The following TENM3 variants were observed in gnomAD, a reference collection of about 807,000 sequenced individuals.
TENM3 encodes teneurin transmembrane protein 3, also known as teneurin-3.
Under a neutral mutation model 255.1 loss-of-function variants are expected in TENM3, and 63 were observed. That is an observed-to-expected ratio of 0.25 (90% confidence interval 0.20 to 0.30). TENM3 has a LOEUF of 0.30. Ranked by LOEUF, TENM3 falls within the 10% of genes least tolerant of loss-of-function variation. TENM3 has a pLI of 1.00. For synonymous variants in TENM3, 1,306 were observed against 1,322.3 expected (o/e 0.99, Z 0.27); for missense variants, 2,929 against 3,461.1 (o/e 0.85, Z 3.86).
At chr4:181,549,281 C>A in the TENM3 span, among the ~76,000 whole-genome samples, 3 of 152,202 alleles carry the variant, frequency 2.0e-5, no homozygotes, top group Non-Finnish European at 2.9e-5. Context: ...ATGAAAGAGA[C>A]AAGGGACTGC....
the TENM3 span, among the ~76,000 whole-genome samples, chr4:182,023,203 C>CT: frequency 1.3e-5 from 2 of 152,272 alleles, no homozygotes; most frequent in African/African-American, 2.4e-5. Context: ...TTTAAACTTT[C>CT]TTTTTTCCAA....
At chr4:182,289,977 C>T (rs1465470525) in intron 1 of TENM3, among the ~76,000 whole-genome samples, 1 of 152,096 alleles carries the variant, frequency 6.6e-6, no homozygotes, top group Non-Finnish European at 1.5e-5. Flanking sequence ...CTGTCTGGGA[C>T]CCCTCCAGCC....
intron 3 of TENM3, among the ~76,000 whole-genome samples, chr4:182,553,044 C>T (rs944607544): frequency 1.3e-5 from 2 of 152,132 alleles, no homozygotes; most frequent in African/African-American, 4.8e-5. Context: ...GCAGCCCTCT[C>T]GTAAATATAT....
At chr4:182,430,129 A>C (rs1001450550) in intron 3 of TENM3, among the ~76,000 whole-genome samples, 4 of 152,210 alleles carry the variant, frequency 2.6e-5, no homozygotes, top group African/African-American at 9.6e-5. Context: ...ATAAGGCAGC[A>C]GGTGGAAAAA....
At chr4:182,002,263 G>A in the TENM3 span, among the ~76,000 whole-genome samples, 1 of 152,036 alleles carries the variant, frequency 6.6e-6, no homozygotes, top group African/African-American at 2.4e-5. Flanking sequence ...TAGCACCTGG[G>A]ATGCCCATGA....
At chr4:182,314,365 A>G (rs1762630952) in intron 1 of TENM3, among the ~76,000 whole-genome samples, 1 of 152,178 alleles carries the variant, frequency 6.6e-6, no homozygotes, top group Admixed American at 6.5e-5. Flanking sequence ...GCTTCTTACA[A>G]TGTCATGTCA....
At chr4:182,211,620 T>C (rs1755047213) in intron 1 of TENM3, among the ~76,000 whole-genome samples, 1 of 152,190 alleles carries the variant, frequency 6.6e-6, no homozygotes, top group Admixed American at 6.5e-5. Flanking sequence ...CATTATCAAT[T>C]CAGCTTATTT....
intron 4 of TENM3, among the ~76,000 whole-genome samples, chr4:182,603,382 G>A (rs1308420224): frequency 1.3e-5 from 2 of 152,084 alleles, no homozygotes; most frequent in East Asian, 3.9e-4. Flanking sequence ...CTAAAAATTT[G>A]TTGTTACACT....
chr4:182,602,956 T>G (rs1015303345), intron 4 of TENM3, among the ~76,000 whole-genome samples: 2 of 152,218 alleles, frequency 1.3e-5, no homozygotes, highest in African/African-American at 4.8e-5. Context: ...CAGAAACGTG[T>G]TTAATTTTAG....
At chr4:182,316,218 C>T (rs1024487508) in intron 1 of TENM3, among the ~76,000 whole-genome samples, 5 of 152,138 alleles carry the variant, frequency 3.3e-5, no homozygotes, top group Admixed American at 6.5e-5. Context: ...AGAAGTTAAG[C>T]GACTTGGAAA....
the TENM3 span, among the ~76,000 whole-genome samples, chr4:181,844,593 G>A: frequency 9.2e-5 from 14 of 151,912 alleles, no homozygotes; most frequent in South Asian, 2.1e-4. Context: ...GCGTGAACCC[G>A]GGAGGCGGAG....
At chr4:182,382,229 ATTAT>A (rs1391402343) in intron 3 of TENM3, among the ~76,000 whole-genome samples, 2 of 152,082 alleles carry the variant, frequency 1.3e-5, no homozygotes, top group Non-Finnish European at 2.9e-5. Context: ...TATTTTCTTC[ATTAT>A]TTATAAGAAG....
At chr4:181,596,325 C>T in the TENM3 span, among the ~76,000 whole-genome samples, 1 of 152,146 alleles carries the variant, frequency 6.6e-6, no homozygotes, top group Admixed American at 6.5e-5. Context: ...TTTTCACAAG[C>T]TTGCACGGTT....
chr4:182,121,212 G>A, the TENM3 span, among the ~76,000 whole-genome samples: 1 of 151,972 alleles, frequency 6.6e-6, no homozygotes, highest in Non-Finnish European at 1.5e-5. Flanking sequence ...TGGCCAGGCT[G>A]GTCTCGAACT....
chr4:182,427,947 CT>C (rs34463107), intron 3 of TENM3, among the ~76,000 whole-genome samples: 2,273 of 142,680 alleles, frequency 0.016, 40 homozygotes, highest in African/African-American at 0.041. Flanking sequence ...AGCACTGTCA[CT>C]TTTTTTTTTT....
chr4:181,607,084 G>A, the TENM3 span, among the ~76,000 whole-genome samples: 54 of 152,296 alleles, frequency 3.5e-4, no homozygotes, highest in African/African-American at 1.3e-3. Flanking sequence ...GTTATGCTTC[G>A]TACTAATGGA....
chr4:182,296,895 C>T (rs577736905), intron 1 of TENM3, among the ~76,000 whole-genome samples: 7 of 152,196 alleles, frequency 4.6e-5, no homozygotes, highest in African/African-American at 1.7e-4. Context: ...ATTTTGACAG[C>T]ATGGCCTCCT....
At chr4:182,752,109 T>C (rs1762419840) in intron 20 of TENM3, 77 bp downstream of exon 20, 1 of 918,230 alleles carries the variant, frequency 1.1e-6, no homozygotes, top group Non-Finnish European at 1.6e-6. Context: ...ATCCATTTAG[T>C]GCCTAGTCAT....
At chr4:182,672,285 TC>T (rs1193060753) in intron 6 of TENM3, among the ~76,000 whole-genome samples, 5 of 152,104 alleles carry the variant, frequency 3.3e-5, no homozygotes, top group African/African-American at 1.2e-4. Flanking sequence ...GAGGTTTTGT[TC>T]CTATGCATCA....
Sources: allele counts gnomAD v4.1 joint callset (sites outside exome capture counted in the v4.1 genomes callset), GRCh38; gene constraint gnomAD v4.1.1; transcripts MANE v1.5; gene names NCBI Gene and HGNC (gene_info 2026-07-23, HGNC 2026-07-21).